The following CTNNA2 variants were observed in gnomAD, a reference collection of about 807,000 sequenced individuals.
CTNNA2 encodes the protein catenin alpha 2, also known as catenin alpha-2.
CTNNA2 carries 42 observed loss-of-function variants against 101.0 expected under a neutral mutation model. The ratio of observed to expected loss-of-function variants is 0.42; its 90% CI spans 0.32 to 0.54. The LOEUF (loss-of-function observed/expected upper bound fraction) is 0.54. Among genes scored for constraint, CTNNA2 ranks in the 20% least tolerant of loss-of-function variants. The probability of loss-of-function intolerance (pLI) is 0.14; values close to 1 mark genes in which losing one functional copy is unlikely to be tolerated. For synonymous variants in CTNNA2, 450 were observed against 456.4 expected (o/e 0.99, Z 0.18); for missense variants, 871 against 1,223.1 (o/e 0.71, Z 4.29).
At chr2:79,555,160 C>T (rs527778130) in intron 1 of CTNNA2, among the ~76,000 whole-genome samples, 2 of 152,240 alleles carry the variant, frequency 1.3e-5, no homozygotes, top group African/African-American at 2.4e-5. Flanking sequence ...CAGGTGACAT[C>T]CTTAGGATTC....
intron 4 of CTNNA2, among the ~76,000 whole-genome samples, chr2:79,404,719 T>G (rs17017042): frequency 0.044 from 6,645 of 152,016 alleles, 485 homozygotes; most frequent in African/African-American, 0.15. Flanking sequence ...TTTAATCTAG[T>G]GTTTGGAATC....
At chr2:79,464,492 T>C (rs1475718895) in intron 4 of CTNNA2, among the ~76,000 whole-genome samples, 1 of 152,230 alleles carries the variant, frequency 6.6e-6, no homozygotes, top group African/African-American at 2.4e-5. Flanking sequence ...CCTTTGGGTA[T>C]ATACCCAGTA....
At chr2:79,846,030 A>G (rs888245755) in intron 3 of CTNNA2, among the ~76,000 whole-genome samples, 45 of 152,210 alleles carry the variant, frequency 3.0e-4, no homozygotes, top group African/African-American at 1.1e-3. Context: ...TGCCATTTAA[A>G]TCCTAAAACC....
intron 3 of CTNNA2, among the ~76,000 whole-genome samples, chr2:79,812,103 T>G (rs1677088251): frequency 6.6e-6 from 1 of 152,222 alleles, no homozygotes; most frequent in Non-Finnish European, 1.5e-5. Context: ...CCTGTGACCT[T>G]CTAAATTTAA....
In CTNNA2 at chr2:79,874,408, G is replaced by C. The variant is rs1682844125; in HGVS notation, c.852+66G>C. 7 of 1,512,250 alleles carry C rather than the reference G, an allele frequency of 4.6e-6. No homozygotes were observed. The South Asian group carries it at 8.5e-5, about 18-fold the overall frequency. The allele number at this position is 1,512,250 out of a possible 1,614,324, so 93.7% of individuals were successfully genotyped here. On this transcript the variant is annotated intron_variant, in intron 6 of 18. Transcript: ENST00000402739. ...TGTTGACAAAAAAAAAAAATGTATT[G>C]AGGATGAAGGGCCACTACAATAATT... is the stretch of plus-strand genomic sequence containing the variant.
intron 4 of CTNNA2, among the ~76,000 whole-genome samples, chr2:79,494,983 G>A (rs1007393923): frequency 1.3e-5 from 2 of 152,000 alleles, no homozygotes; most frequent in African/African-American, 4.8e-5. Context: ...GGCGCCTGTA[G>A]TCCCAGCTAC....
chr2:80,528,617 C>T (rs1206916825), intron 9 of CTNNA2, among the ~76,000 whole-genome samples: 1 of 152,116 alleles, frequency 6.6e-6, no homozygotes, highest in African/African-American at 2.4e-5. Flanking sequence ...CCCAACTCCA[C>T]ACTTCAGGCA....
chr2:79,990,754 C>T (rs1050525750), intron 7 of CTNNA2, among the ~76,000 whole-genome samples: 6 of 152,012 alleles, frequency 3.9e-5, no homozygotes, highest in Non-Finnish European at 8.8e-5. Context: ...TTTGTTGTGT[C>T]TCTGCCAGGC....
intron 5 of CTNNA2, among the ~76,000 whole-genome samples, chr2:79,505,859 C>T (rs1443905492): frequency 1.3e-5 from 2 of 152,158 alleles, no homozygotes; most frequent in African/African-American, 4.8e-5. Context: ...GTTAATGGTA[C>T]AAACTGTGTC....
chr2:79,512,531 C>T (rs1248593815), upstream of CTNNA2, among the ~76,000 whole-genome samples: 2 of 151,998 alleles, frequency 1.3e-5, no homozygotes, highest in Admixed American at 6.5e-5. Context: ...CCCTGCTGGG[C>T]TGGCCCTCCT....
chr2:79,241,419 C>T (rs1674623999), intron 2 of CTNNA2, among the ~76,000 whole-genome samples: 1 of 152,096 alleles, frequency 6.6e-6, no homozygotes, highest in Non-Finnish European at 1.5e-5. Context: ...AGGCAGAATG[C>T]TGTCAAATTG....
chr2:79,385,242 T>C (rs1429470701), intron 4 of CTNNA2, among the ~76,000 whole-genome samples: 1 of 152,112 alleles, frequency 6.6e-6, no homozygotes, highest in Non-Finnish European at 1.5e-5. Context: ...TATTAGCAGG[T>C]ACTAGAAAGA....
At chr2:80,128,551 T>C (rs543549021) in intron 7 of CTNNA2, among the ~76,000 whole-genome samples, 71 of 152,278 alleles carry the variant, frequency 4.7e-4, no homozygotes, top group African/African-American at 1.7e-3. Context: ...TGGGCCAATG[T>C]AAAGCACAGT....
intron 7 of CTNNA2, among the ~76,000 whole-genome samples, chr2:79,919,525 G>C (rs1286181189): frequency 1.3e-5 from 2 of 152,126 alleles, no homozygotes; most frequent in African/African-American, 2.4e-5. Flanking sequence ...TGTTGACAGA[G>C]CTGACAGCCA....
chr2:80,280,989 T>G (rs557013205), intron 7 of CTNNA2, among the ~76,000 whole-genome samples: 4 of 152,090 alleles, frequency 2.6e-5, no homozygotes, highest in Non-Finnish European at 5.9e-5. Context: ...CTTTGGTGAG[T>G]TGATTTTCCC....
intron 7 of CTNNA2, among the ~76,000 whole-genome samples, chr2:80,114,290 G>C (rs1701389717): frequency 6.6e-6 from 1 of 152,116 alleles, no homozygotes; most frequent in South Asian, 2.1e-4. Context: ...GTGATTTCAG[G>C]ATATCAAATC....
chr2:80,141,528 C>T (rs1703010829), intron 7 of CTNNA2, among the ~76,000 whole-genome samples: 1 of 152,064 alleles, frequency 6.6e-6, no homozygotes, highest in Non-Finnish European at 1.5e-5. Context: ...TGAGCTCTGC[C>T]TCTTGCCGGC....
intron 3 of CTNNA2, among the ~76,000 whole-genome samples, chr2:79,805,568 G>T (rs72824563): frequency 0.042 from 6,414 of 152,206 alleles, 176 homozygotes; most frequent in Middle Eastern, 0.12. Flanking sequence ...ATAGCAGTAC[G>T]TTACTGAGCT....
At chr2:80,591,325 CG>C (rs112002887) in intron 15 of CTNNA2, among the ~76,000 whole-genome samples, 47 of 152,022 alleles carry the variant, frequency 3.1e-4, no homozygotes, top group African/African-American at 1.1e-3. Context: ...CATGATGAGT[CG>C]TTTTGTGTTC....
Sources: gnomAD v4.1 joint callset for allele counts (sites outside exome capture counted in the v4.1 genomes callset) on GRCh38, gnomAD v4.1.1 for gene constraint, MANE v1.5 for transcripts, NCBI Gene and HGNC (gene_info 2026-07-23, HGNC 2026-07-21) for gene names.